Variants in OR7C1 observed in about 807,000 individuals in gnomAD.
The protein encoded by OR7C1 is olfactory receptor 7C1.
For missense variants in OR7C1, 324 were observed against 383.3 expected, an observed-to-expected ratio of 0.85 and a Z score of 1.29; for synonymous variants, 152 against 160.7, an observed-to-expected ratio of 0.95 and a Z score of 0.41.
intron 1 of OR7C1, chr19:14,827,206 T>C: frequency 7.1e-7 from 1 of 1,402,448 alleles, no homozygotes; most frequent in Non-Finnish European, 9.5e-7. Context: ...TAAGTATTAA[T>C]AGAAGGAGCA....
chr19:14,824,397 C>T (rs1384584205), intron 1 of OR7C1: 1 of 152,150 alleles, frequency 6.6e-6, no homozygotes, highest in East Asian at 1.9e-4. Context: ...CTATAGTAGT[C>T]TCCAGTGTCT....
At chr19:14,834,508 C>A (rs982740086) in intron 1 of OR7C1, among the ~76,000 whole-genome samples, 4 of 152,150 alleles carry the variant, frequency 2.6e-5, no homozygotes, top group Non-Finnish European at 1.5e-5. Flanking sequence ...AAGTACAGCT[C>A]ATTAGTACAT....
chr19:14,813,322 A>C (rs1599917192), intron 1 of OR7C1, among the ~76,000 whole-genome samples: 1 of 152,106 alleles, frequency 6.6e-6, no homozygotes, highest in East Asian at 1.9e-4. Flanking sequence ...TGGGAGGCTG[A>C]GGTGGGCGGA....
At chr19:14,819,908 G>A (rs540818371) in intron 1 of OR7C1, among the ~76,000 whole-genome samples, 34 of 151,914 alleles carry the variant, frequency 2.2e-4, no homozygotes, top group South Asian at 6.2e-4. Flanking sequence ...ATTTTTATGC[G>A]TTTATTTATT....
chr19:14,834,631 C>T (rs548447748), intron 1 of OR7C1, among the ~76,000 whole-genome samples: 8 of 151,998 alleles, frequency 5.3e-5, no homozygotes, highest in Non-Finnish European at 8.8e-5. Context: ...GCAAGCAATC[C>T]GTTCATCTGG....
At chr19:14,803,938 T>C (rs1599912670) in intron 2 of OR7C1, among the ~76,000 whole-genome samples, 1 of 152,194 alleles carries the variant, frequency 6.6e-6, no homozygotes. Flanking sequence ...CTTGATCTCC[T>C]GATCTCGTGA....
At chr19:14,832,099 A>G (rs2044839062) in intron 1 of OR7C1, among the ~76,000 whole-genome samples, 1 of 152,078 alleles carries the variant, frequency 6.6e-6, no homozygotes, top group Non-Finnish European at 1.5e-5. Flanking sequence ...TTGTAGAGAC[A>G]GGGTCTTGTT....
intron 1 of OR7C1, among the ~76,000 whole-genome samples, chr19:14,815,506 C>T (rs1048865226): frequency 3.9e-5 from 6 of 152,188 alleles, no homozygotes; most frequent in Non-Finnish European, 7.3e-5. Flanking sequence ...ATGCCTGTCT[C>T]TCTGGTATTG....
rs765206634 is a variant in OR7C1 at position 14,827,754 on chromosome 19, A to T, written c.-623+7320T>A. 3 of 1,614,146 alleles carry T rather than the reference A, an allele frequency of 1.9e-6. No homozygotes were observed. In the South Asian group the frequency reaches 3.3e-5, roughly 18 times the overall value. ...GGCTGTGCAGAAGGACAGCCGTACT[A>T]CCATTAAGATTTGTAGCAAGGAATA... On this transcript the variant is annotated intron_variant, in intron 1 of 4. Coordinates refer to ENST00000641666, the Ensembl canonical transcript of OR7C1.
intron 2 of OR7C1, among the ~76,000 whole-genome samples, chr19:14,808,173 A>T (rs2044674855): frequency 6.6e-6 from 1 of 151,876 alleles, no homozygotes; most frequent in Non-Finnish European, 1.5e-5. Context: ...TGTTGGTGGG[A>T]ACGCAAATTA....
chr19:14,828,146 C>T (rs138615141), intron 1 of OR7C1: 72 of 1,613,874 alleles, frequency 4.5e-5, no homozygotes, highest in Middle Eastern at 3.3e-4. Flanking sequence ...GGTACATGGA[C>T]AGGAACAGCC....
chr19:14,799,432 G>A (rs753791040), exon 5 of OR7C1: 5 of 1,614,230 alleles, frequency 3.1e-6, no homozygotes, highest in Admixed American at 3.3e-5. Context: ...AAAACGCTTT[G>A]TGCTTTCTCC....
At chr19:14,822,194 G>A (rs1226911511) in intron 1 of OR7C1, among the ~76,000 whole-genome samples, 1 of 152,024 alleles carries the variant, frequency 6.6e-6, no homozygotes, top group African/African-American at 2.4e-5. Context: ...TCAACATACT[G>A]ATTTCATTTC....
intron 2 of OR7C1, among the ~76,000 whole-genome samples, chr19:14,801,933 C>T (rs1416445023): frequency 2.0e-5 from 3 of 152,212 alleles, no homozygotes; most frequent in Non-Finnish European, 4.4e-5. Flanking sequence ...CACCTCCCAC[C>T]AGGCCCCTCC....
At chr19:14,827,357 T>C in intron 1 of OR7C1, 1 of 1,605,446 alleles carries the variant, frequency 6.2e-7, no homozygotes, top group Non-Finnish European at 8.5e-7. Flanking sequence ...TCTTTATGTC[T>C]TTATTCCTCA....
intron 1 of OR7C1, among the ~76,000 whole-genome samples, chr19:14,831,160 C>T (rs551084385): frequency 2.0e-5 from 3 of 152,274 alleles, no homozygotes; most frequent in Non-Finnish European, 4.4e-5. Context: ...ATAGCTGCTA[C>T]CCATGACAAA....
intron 1 of OR7C1, among the ~76,000 whole-genome samples, chr19:14,821,708 T>G (rs2044741967): frequency 1.3e-5 from 2 of 152,234 alleles, no homozygotes; most frequent in African/African-American, 4.8e-5. Flanking sequence ...CTTCTGCATT[T>G]TATTCATTCT....
chr19:14,832,541 C>T (rs750793529), intron 1 of OR7C1, among the ~76,000 whole-genome samples: 38 of 151,732 alleles, frequency 2.5e-4, no homozygotes, highest in Non-Finnish European at 4.6e-4. Flanking sequence ...ATTCTCCTGC[C>T]TCAACCTCCC....
At chr19:14,829,952 A>G (rs1599925839) in intron 1 of OR7C1, among the ~76,000 whole-genome samples, 1 of 151,608 alleles carries the variant, frequency 6.6e-6, no homozygotes, top group South Asian at 2.1e-4. Context: ...AGCTTCAACC[A>G]CCCAGGCTCA....
Sources: gnomAD v4.1 joint callset for allele counts (sites outside exome capture counted in the v4.1 genomes callset) on GRCh38, gnomAD v4.1.1 for gene constraint, MANE v1.5 for transcripts, NCBI Gene and HGNC (gene_info 2026-07-23, HGNC 2026-07-21) for gene names.